Variants in NKAIN2 observed in about 807,000 individuals in gnomAD.
The protein encoded by NKAIN2 is sodium/potassium transporting ATPase interacting 2.
In NKAIN2, 14 loss-of-function variants were observed where a neutral mutation model predicts 32.6. That is an observed-to-expected ratio of 0.43 (90% CI 0.28 to 0.67). The LOEUF (loss-of-function observed/expected upper bound fraction) is 0.67. NKAIN2 is among the 30% of genes least tolerant of loss of function. NKAIN2 has a pLI of 0.17. For synonymous variants in NKAIN2, 80 were observed against 87.2 expected (o/e 0.92, Z 0.46); for missense variants, 198 against 258.3 (o/e 0.77, Z 1.60).
chr6:123,838,802 G>C (rs1245432602), intron 1 of NKAIN2, among the ~76,000 whole-genome samples: 2 of 152,118 alleles, frequency 1.3e-5, no homozygotes, highest in African/African-American at 4.8e-5. Context: ...TTGAAATCAA[G>C]TGTCTTTCAA....
At chr6:124,221,120 G>A (rs995855100) in intron 1 of NKAIN2, among the ~76,000 whole-genome samples, 6 of 151,508 alleles carry the variant, frequency 4.0e-5, no homozygotes, top group African/African-American at 9.7e-5. Flanking sequence ...TGTTTATTGC[G>A]GCACTATTCA....
At chr6:124,672,501 G>A (rs56669074) in intron 4 of NKAIN2, among the ~76,000 whole-genome samples, 7,703 of 152,018 alleles carry the variant, frequency 0.051, 225 homozygotes, top group African/African-American at 0.084. Flanking sequence ...TCAAAACTTT[G>A]GAAGAAGTAA....
intron 4 of NKAIN2, among the ~76,000 whole-genome samples, chr6:124,771,011 A>T (rs1778728502): frequency 6.6e-6 from 1 of 152,152 alleles, no homozygotes; most frequent in Non-Finnish European, 1.5e-5. Context: ...GCTACTGGTA[A>T]TTGCACGTTT....
intron 4 of NKAIN2, among the ~76,000 whole-genome samples, chr6:124,720,342 T>C (rs1028300416): frequency 1.3e-5 from 2 of 152,190 alleles, no homozygotes; most frequent in Non-Finnish European, 2.9e-5. Flanking sequence ...TTACCCGCAA[T>C]TGACAAGTTA....
At chr6:124,771,357 C>A (rs1562374282) in intron 4 of NKAIN2, among the ~76,000 whole-genome samples, 1 of 152,048 alleles carries the variant, frequency 6.6e-6, no homozygotes, top group Admixed American at 6.6e-5. Context: ...GAATAATATA[C>A]CCTCAAAAAA....
At chr6:124,714,378 T>TA (rs1256825216) in intron 4 of NKAIN2, among the ~76,000 whole-genome samples, 1 of 152,256 alleles carries the variant, frequency 6.6e-6, no homozygotes, top group African/African-American at 2.4e-5. Flanking sequence ...GGACACTTGC[T>TA]AATTATTTTC....
chr6:123,889,311 A>T (rs1468403837), intron 1 of NKAIN2, among the ~76,000 whole-genome samples: 1 of 152,100 alleles, frequency 6.6e-6, no homozygotes, highest in African/African-American at 2.4e-5. Context: ...GTCCTGCTTA[A>T]GTCACTAAGA....
intron 1 of NKAIN2, among the ~76,000 whole-genome samples, chr6:123,955,527 C>T (rs1777532510): frequency 6.6e-6 from 1 of 151,482 alleles, no homozygotes; most frequent in Non-Finnish European, 1.5e-5. Context: ...AAGAAAATTG[C>T]AAAAAATCAA....
intron 4 of NKAIN2, among the ~76,000 whole-genome samples, chr6:124,712,091 T>C (rs948839164): frequency 3.3e-5 from 5 of 151,612 alleles, no homozygotes; most frequent in Admixed American, 6.6e-5. Flanking sequence ...GAGGTGTCAG[T>C]GTGCCCCTGC....
At chr6:124,453,322 A>ACACAC (rs1776183191) in intron 3 of NKAIN2, among the ~76,000 whole-genome samples, 2 of 63,876 alleles carry the variant, frequency 3.1e-5, no homozygotes, top group African/African-American at 1.0e-4. Context: ...CATGCATATA[A>ACACAC]ACACACACAC....
intron 4 of NKAIN2, among the ~76,000 whole-genome samples, chr6:124,706,916 G>C (rs1395688187): frequency 6.6e-6 from 1 of 151,612 alleles, no homozygotes; most frequent in East Asian, 1.9e-4. Flanking sequence ...ATGTATACAT[G>C]TGCCATGCTG....
rs368153512 is a variant in NKAIN2 at position 124,389,364 on chromosome 6, G to C, written c.273+34017G>C. 2.0e-5 allele frequency among the ~76,000 whole-genome samples: 3 copies of C among 152,162 alleles called. No homozygotes were observed. The East Asian group carries it at 5.8e-4, about 29-fold the overall frequency. ...TTAAAAATTCTGCCTCAGCAATGCT[G>C]GTGTTATTTCATAATGCCCTGCTGG... On this transcript the variant is annotated intron_variant, in intron 3 of 6. Coordinates refer to ENST00000368417, the MANE Select transcript of NKAIN2 (RefSeq NM_001040214.3).
chr6:124,808,094 A>C (rs2114850926), intron 5 of NKAIN2, among the ~76,000 whole-genome samples: 1 of 152,050 alleles, frequency 6.6e-6, no homozygotes, highest in African/African-American at 2.4e-5. Flanking sequence ...AAACTATTCC[A>C]ATCAATAGAA....
intron 1 of NKAIN2, among the ~76,000 whole-genome samples, chr6:123,861,935 A>C (rs957947524): frequency 6.6e-6 from 1 of 152,228 alleles, no homozygotes; most frequent in Non-Finnish European, 1.5e-5. Context: ...TTAATAGATT[A>C]AACATACATG....
intron 3 of NKAIN2, among the ~76,000 whole-genome samples, chr6:124,552,678 T>C (rs1036149111): frequency 6.6e-6 from 1 of 152,250 alleles, no homozygotes; most frequent in Non-Finnish European, 1.5e-5. Flanking sequence ...ATCTTTTCAA[T>C]GTCTGCTTGT....
intron 1 of NKAIN2, among the ~76,000 whole-genome samples, chr6:123,901,199 T>C (rs1205795406): frequency 6.6e-6 from 1 of 152,184 alleles, no homozygotes; most frequent in Non-Finnish European, 1.5e-5. Context: ...TTGTTCTTTG[T>C]TTTGTGCTCC....
At chr6:123,959,521 A>G (rs146375649) in intron 1 of NKAIN2, among the ~76,000 whole-genome samples, 5 of 152,212 alleles carry the variant, frequency 3.3e-5, no homozygotes, top group African/African-American at 1.2e-4. Context: ...GTCCTTGAAC[A>G]TGATACTTCT....
chr6:124,783,652 G>A (rs1012057386), intron 4 of NKAIN2, among the ~76,000 whole-genome samples: 18 of 152,088 alleles, frequency 1.2e-4, no homozygotes, highest in Admixed American at 9.2e-4. Context: ...GAATCATCTG[G>A]TAAACAATAC....
At chr6:124,704,182 A>G (rs1774936011) in intron 4 of NKAIN2, among the ~76,000 whole-genome samples, 1 of 151,974 alleles carries the variant, frequency 6.6e-6, no homozygotes, top group Non-Finnish European at 1.5e-5. Context: ...GGTAAAACCA[A>G]TTTGAAATGT....
Sources: allele counts gnomAD v4.1 joint callset (sites outside exome capture counted in the v4.1 genomes callset), GRCh38; gene constraint gnomAD v4.1.1; transcripts MANE v1.5; gene names NCBI Gene and HGNC (gene_info 2026-07-23, HGNC 2026-07-21).